The following ZFHX3 variants were observed in gnomAD, a reference collection of about 807,000 sequenced individuals.
ZFHX3 encodes the protein zinc finger homeobox protein 3.
ZFHX3 carries 42 observed loss-of-function variants against 279.1 expected under a neutral mutation model. That is an observed-to-expected ratio of 0.15 (90% CI 0.12 to 0.19). The LOEUF is 0.19. ZFHX3 is among the 10% of genes least tolerant of loss of function. The pLI is 1.00. For synonymous variants in ZFHX3, 2,293 were observed against 1,957.8 expected, an observed-to-expected ratio of 1.17 and a Z score of -4.52; for missense variants, 4,981 against 4,754.0, an observed-to-expected ratio of 1.05 and a Z score of -1.40.
chr16:73,455,523 G>GT (rs1430462388), intron 3 of ZFHX3, among the ~76,000 whole-genome samples: 1 of 152,152 alleles, frequency 6.6e-6, no homozygotes, highest in Non-Finnish European at 1.5e-5. Flanking sequence ...CCCAGGATGT[G>GT]TATGTGGAAG....
At chr16:73,853,914 T>C (rs531396102) in intron 1 of ZFHX3, among the ~76,000 whole-genome samples, 1 of 152,136 alleles carries the variant, frequency 6.6e-6, no homozygotes, top group East Asian at 1.9e-4. Context: ...TGACAATAGG[T>C]TCTCCTATTA....
chr16:73,013,340 T>C (rs1054158176), intron 1 of ZFHX3, among the ~76,000 whole-genome samples: 3 of 152,182 alleles, frequency 2.0e-5, no homozygotes, highest in Non-Finnish European at 2.9e-5. Flanking sequence ...CAGGTTGGAG[T>C]GCAGTAGTAC....
chr16:72,804,507 C>T (rs951388406), intron 7 of ZFHX3, among the ~76,000 whole-genome samples: 2 of 152,184 alleles, frequency 1.3e-5, no homozygotes, highest in African/African-American at 2.4e-5. Context: ...CTCAAGTGAA[C>T]TGCCCTTGAT....
chr16:73,619,257 G>A (rs1481087614), intron 2 of ZFHX3, among the ~76,000 whole-genome samples: 1 of 152,046 alleles, frequency 6.6e-6, no homozygotes, highest in Non-Finnish European at 1.5e-5. Flanking sequence ...GGGAGGCTGA[G>A]GCAGGTGGAT....
intron 2 of ZFHX3, among the ~76,000 whole-genome samples, chr16:73,621,086 G>A (rs552012879): frequency 8.7e-4 from 133 of 152,332 alleles, no homozygotes; most frequent in Admixed American, 1.6e-3. Flanking sequence ...AGCACCAACG[G>A]CCATTACTGA....
chr16:73,535,722 CTT>C (rs56867952), intron 2 of ZFHX3, among the ~76,000 whole-genome samples: 3 of 138,986 alleles, frequency 2.2e-5, no homozygotes, highest in African/African-American at 5.4e-5. Context: ...TGCCCCCTAT[CTT>C]TTTTTTTTTT....
chr16:73,244,976 A>G (rs1384296692), intron 5 of ZFHX3, among the ~76,000 whole-genome samples: 1 of 152,198 alleles, frequency 6.6e-6, no homozygotes, highest in African/African-American at 2.4e-5. Context: ...GTGGAGGTCA[A>G]AGCCACCTAT....
rs775876072 is a variant in ZFHX3 at position 72,959,939 on chromosome 16, C to G, written c.207G>C (p.Gly69=). The part of the protein sequence containing the change: ...ERLAESTASA[G]PPSEPASKEV... Reference sequence around the variant, plus strand: ...CCTTGCTGGCGGGCTCGGAGGGGGGCCCGGCCGACGCGGTGCTCTCCGCGA... The same window carrying G: ...CCTTGCTGGCGGGCTCGGAGGGGGGGCCGGCCGACGCGGTGCTCTCCGCGA... Residue 69 remains glycine, a synonymous_variant, in exon 2 of 10, where the codon GGG becomes GGC. Transcript: ENST00000268489. The G allele has an allele frequency of 1.8e-5, 29 of 1,595,574 alleles. No homozygotes were observed. Among genetic ancestry groups the G allele is most frequent in the Non-Finnish European group, 2.0e-5 (23 of 1,171,138 alleles).
intron 1 of ZFHX3, among the ~76,000 whole-genome samples, chr16:73,695,858 C>A (rs2053192994): frequency 6.6e-6 from 1 of 152,102 alleles, no homozygotes; most frequent in Non-Finnish European, 1.5e-5. Context: ...CTCCCACTCA[C>A]ACCCAGGCTC....
intron 1 of ZFHX3, among the ~76,000 whole-genome samples, chr16:73,783,762 T>C (rs138622603): frequency 6.6e-6 from 1 of 152,226 alleles, no homozygotes; most frequent in African/African-American, 2.4e-5. Flanking sequence ...TCTGATGAGA[T>C]AGTTACTACT....
intron 1 of ZFHX3, among the ~76,000 whole-genome samples, chr16:73,035,839 A>C (rs1851778347): frequency 6.6e-6 from 1 of 152,174 alleles, no homozygotes; most frequent in African/African-American, 2.4e-5. Flanking sequence ...AGGAGGAGGA[A>C]GGCACAGTGA....
At chr16:73,711,866 A>G (rs2053366479) in intron 1 of ZFHX3, among the ~76,000 whole-genome samples, 1 of 152,058 alleles carries the variant, frequency 6.6e-6, no homozygotes, top group Admixed American at 6.5e-5. Context: ...GCTGGAAGAG[A>G]TCTCACAGCA....
chr16:72,990,691 T>C (rs2144568255), intron 1 of ZFHX3, among the ~76,000 whole-genome samples: 1 of 152,230 alleles, frequency 6.6e-6, no homozygotes, highest in Admixed American at 6.5e-5. Flanking sequence ...TTGAAATGGG[T>C]CAATAATGGC....
chr16:73,602,250 T>A (rs1038501802), intron 2 of ZFHX3, among the ~76,000 whole-genome samples: 1 of 152,246 alleles, frequency 6.6e-6, no homozygotes, highest in African/African-American at 2.4e-5. Flanking sequence ...AAATATTTTA[T>A]TCTAAAATGA....
chr16:73,325,419 A>T (rs151289478), intron 3 of ZFHX3, among the ~76,000 whole-genome samples: 4 of 152,328 alleles, frequency 2.6e-5, no homozygotes, highest in Non-Finnish European at 5.9e-5. Flanking sequence ...AATGAATCTA[A>T]GTGCCCTAGG....
chr16:72,959,548 T>C lies in ZFHX3; in HGVS notation c.598A>G (p.Ile200Val). 2 of 1,614,204 alleles carry C rather than the reference T, an allele frequency of 1.2e-6. No homozygotes were observed. The highest frequency in any genetic ancestry group is 1.7e-6 in the Non-Finnish European group (2 of 1,180,032). ...VYPQIINTFH[I>V]ASSFGKWFEG... ...AACCATTTCCCGAAGGATGAGGCTA[T>C]GTGGAAAGTGTTGATGATCTGCGGG... Residue 200 changes from isoleucine to valine, a missense_variant, in exon 2 of 10, where the codon ATA becomes GTA. Physicochemically the swap from Ile to Val is conservative, Grantham distance 29 (BLOSUM62 3). Coordinates refer to ENST00000268489, the MANE Select transcript of ZFHX3 (RefSeq NM_006885.4).
At chr16:73,554,997 G>A (rs1046354556) in intron 2 of ZFHX3, among the ~76,000 whole-genome samples, 3 of 152,060 alleles carry the variant, frequency 2.0e-5, no homozygotes, top group Non-Finnish European at 4.4e-5. Flanking sequence ...CCCACCCAAT[G>A]CCCCCTAAGT....
At chr16:73,375,206 A>G (rs2016701814) in intron 3 of ZFHX3, among the ~76,000 whole-genome samples, 1 of 152,160 alleles carries the variant, frequency 6.6e-6, no homozygotes, top group African/African-American at 2.4e-5. Context: ...ACGGATTTAA[A>G]CATATTTGAT....
intron 4 of ZFHX3, among the ~76,000 whole-genome samples, chr16:73,316,064 C>A (rs1329875577): frequency 6.6e-6 from 1 of 152,184 alleles, no homozygotes; most frequent in African/African-American, 2.4e-5. Context: ...TCTCAGAGGA[C>A]AGTGTCTCCT....
Sources: gnomAD v4.1 joint callset for allele counts (sites outside exome capture counted in the v4.1 genomes callset) on GRCh38, gnomAD v4.1.1 for gene constraint, MANE v1.5 for transcripts, NCBI Gene and HGNC (gene_info 2026-07-23, HGNC 2026-07-21) for gene names.